Variants in RBMS1 observed in about 807,000 individuals in gnomAD.
RBMS1 encodes RNA-binding motif, single-stranded-interacting protein 1.
A neutral mutation model predicts 62.3 loss-of-function variants in RBMS1; 17 were observed. The observed-to-expected ratio is 0.27, with a 90% CI of 0.19 to 0.41. The LOEUF (loss-of-function observed/expected upper bound fraction) is 0.41. Among genes scored for constraint, RBMS1 ranks in the 10% least tolerant of loss-of-function variants. RBMS1 has a pLI of 1.00. For missense variants in RBMS1, 334 were observed against 504.5 expected (o/e 0.66, Z 3.24); for synonymous variants, 172 against 170.0 (o/e 1.01, Z -0.09).
intron 1 of RBMS1, among the ~76,000 whole-genome samples, chr2:160,464,893 TAAGG>T (rs1365960791): frequency 1.3e-5 from 2 of 152,240 alleles, no homozygotes; most frequent in Non-Finnish European, 2.9e-5. Flanking sequence ...CTGTACACCA[TAAGG>T]AAGGATTTCC....
intron 1 of RBMS1, among the ~76,000 whole-genome samples, chr2:160,389,518 C>T (rs1419799294): frequency 1.3e-5 from 2 of 151,678 alleles, no homozygotes; most frequent in African/African-American, 2.4e-5. Flanking sequence ...GCCAACATGG[C>T]AAAACCCCAT....
chr2:160,284,705 A>C, intron 9 of RBMS1, 70 bp downstream of exon 9: 1 of 1,205,450 alleles, frequency 8.3e-7, no homozygotes, highest in Non-Finnish European at 1.2e-6. Context: ...ATTTTAAGAC[A>C]CATAAAAATG....
chr2:160,396,190 T>C (rs151056454), intron 1 of RBMS1, among the ~76,000 whole-genome samples: 21 of 152,352 alleles, frequency 1.4e-4, no homozygotes, highest in African/African-American at 4.3e-4. Context: ...AATGGTTTGA[T>C]AGTGAAATTT....
In RBMS1 at chr2:160,367,114, G is replaced by A. The variant is rs1048386364; in HGVS notation, c.251+102C>T. 5.9e-6 allele frequency: 7 copies of A among 1,194,676 alleles called. No homozygotes were observed. In the African/African-American group the frequency reaches 7.6e-5, roughly 13 times the overall value. 74.0% of individuals were successfully genotyped at this position (1,194,676 alleles called of 1,614,324 possible). ...ATTGTTGTGACACTGAGAGTCCACAGATACTTCTTATAAACTTCTCTTATA... is the reference window on the plus strand; with the variant it reads ...ATTGTTGTGACACTGAGAGTCCACAAATACTTCTTATAAACTTCTCTTATA... On this transcript the variant is annotated intron_variant, in intron 2 of 13. Transcript: ENST00000348849.
intron 1 of RBMS1, among the ~76,000 whole-genome samples, chr2:160,430,388 C>G (rs770826102): frequency 2.6e-5 from 4 of 152,126 alleles, no homozygotes; most frequent in Non-Finnish European, 5.9e-5. Flanking sequence ...TCCACTATTT[C>G]CTATAGCCAT....
chr2:160,393,009 T>G (rs565657390), intron 1 of RBMS1, among the ~76,000 whole-genome samples: 61 of 152,230 alleles, frequency 4.0e-4, no homozygotes, highest in Non-Finnish European at 7.9e-4. Context: ...TTTAAAGAGA[T>G]AAAACCAAAC....
chr2:160,354,568 C>G (rs1436985938), intron 2 of RBMS1, among the ~76,000 whole-genome samples: 1 of 152,124 alleles, frequency 6.6e-6, no homozygotes, highest in Non-Finnish European at 1.5e-5. Context: ...CAATTTGTTT[C>G]GAGGACCACA....
chr2:160,318,894 A>G (rs545221731), intron 2 of RBMS1, among the ~76,000 whole-genome samples: 1 of 152,350 alleles, frequency 6.6e-6, no homozygotes, highest in African/African-American at 2.4e-5. Flanking sequence ...ACATGTGTCT[A>G]AGAAACGGAC....
chr2:160,279,118 A>G (rs967462865), intron 10 of RBMS1: 1 of 154,634 alleles, frequency 6.5e-6, no homozygotes, highest in Non-Finnish European at 1.4e-5. Flanking sequence ...AATAAGATCA[A>G]TATAGTATTT....
At chr2:160,293,907 T>C (rs924761466) in intron 6 of RBMS1, among the ~76,000 whole-genome samples, 2 of 152,246 alleles carry the variant, frequency 1.3e-5, no homozygotes, top group African/African-American at 4.8e-5. Context: ...TGGTTCTAGA[T>C]AACTAAAACT....
At chr2:160,396,146 A>C (rs1695125383) in intron 1 of RBMS1, among the ~76,000 whole-genome samples, 1 of 151,858 alleles carries the variant, frequency 6.6e-6, no homozygotes, top group South Asian at 2.1e-4. Flanking sequence ...ACCAATGTCC[A>C]ACTTTTTTTC....
At chr2:160,281,419 A>G in intron 9 of RBMS1, 55 bp from the exon 10 acceptor site, 1 of 1,366,412 alleles carries the variant, frequency 7.3e-7, no homozygotes, top group Non-Finnish European at 1.0e-6. Context: ...AAGCTTACCT[A>G]TTTCTTTAGA....
chr2:160,426,282 AAAGAAAGAAAAG>A (rs1302981291), intron 1 of RBMS1, among the ~76,000 whole-genome samples: 14 of 111,802 alleles, frequency 1.3e-4, no homozygotes, highest in African/African-American at 5.1e-4. Flanking sequence ...AGAAAGAAAG[AAAGAAAGAAAAG>A]AAAGAAGGAA....
intron 4 of RBMS1, among the ~76,000 whole-genome samples, chr2:160,311,232 C>CTCTCTCTCTCTCTCTCTCTCTCTCTA (rs1553505424): frequency 8.8e-5 from 7 of 79,248 alleles, no homozygotes; most frequent in South Asian, 9.1e-4. Flanking sequence ...ATCTATCTAT[C>CTCTCTCTCTCTCTCTCTCTCTCTCTA]TATATATATA....
At chr2:160,407,778 G>A in intron 1 of RBMS1, 1 of 981,328 alleles carries the variant, frequency 1.0e-6, no homozygotes, top group Non-Finnish European at 1.2e-6. Context: ...AGCTCGGGCA[G>A]CCGCCGCCCT....
At chr2:160,424,666 T>TA (rs939803927) in intron 1 of RBMS1, among the ~76,000 whole-genome samples, 1 of 152,058 alleles carries the variant, frequency 6.6e-6, no homozygotes, top group Admixed American at 6.6e-5. Context: ...TTTATATGAT[T>TA]AAAAAAATAC....
At chr2:160,355,958 C>T (rs527726565) in intron 2 of RBMS1, among the ~76,000 whole-genome samples, 3 of 152,104 alleles carry the variant, frequency 2.0e-5, no homozygotes, top group Non-Finnish European at 4.4e-5. Flanking sequence ...AAATGGGATT[C>T]ACCATTCACT....
intron 7 of RBMS1, among the ~76,000 whole-genome samples, chr2:160,285,919 G>A (rs1372766877): frequency 1.3e-5 from 2 of 151,770 alleles, no homozygotes; most frequent in Admixed American, 6.6e-5. Flanking sequence ...AGACCATCCC[G>A]ACTAACACGG....
chr2:160,374,170 A>T (rs970623090), intron 1 of RBMS1, among the ~76,000 whole-genome samples: 5 of 152,184 alleles, frequency 3.3e-5, no homozygotes, highest in African/African-American at 1.2e-4. Flanking sequence ...AGACAAGAGG[A>T]TCACTTGAGC....
Sources: gnomAD v4.1 joint callset for allele counts (sites outside exome capture counted in the v4.1 genomes callset) on GRCh38, gnomAD v4.1.1 for gene constraint, MANE v1.5 for transcripts, NCBI Gene and HGNC (gene_info 2026-07-23, HGNC 2026-07-21) for gene names.